Variants in DOCK4 observed in about 807,000 individuals in gnomAD.
The protein encoded by DOCK4 is dedicator of cytokinesis 4, also known as dedicator of cytokinesis protein 4.
DOCK4 carries 97 observed loss-of-function variants against 268.1 expected under a neutral mutation model. That is an observed-to-expected ratio of 0.36 (90% CI 0.31 to 0.43). The LOEUF is 0.43. Ranked by LOEUF, DOCK4 falls within the 20% of genes least tolerant of loss-of-function variation. DOCK4 has a pLI of 1.00. For missense variants in DOCK4, 2,145 were observed against 2,455.7 expected (o/e 0.87, Z 2.67); for synonymous variants, 954 against 887.2 (o/e 1.08, Z -1.34).
At chr7:112,013,081 C>A (rs913804397) in intron 1 of DOCK4, among the ~76,000 whole-genome samples, 2 of 152,184 alleles carry the variant, frequency 1.3e-5, no homozygotes, top group Admixed American at 1.3e-4. Context: ...ATTTTTGCAG[C>A]CTCTTCTATA....
chr7:112,187,360 G>A (rs114949398), intron 1 of DOCK4, among the ~76,000 whole-genome samples: 69 of 152,224 alleles, frequency 4.5e-4, no homozygotes, highest in African/African-American at 1.7e-3. Context: ...TCCATCAATT[G>A]TCTACATGCG....
intron 8 of DOCK4, among the ~76,000 whole-genome samples, chr7:111,956,988 C>T (rs1562934964): frequency 6.6e-6 from 1 of 152,122 alleles, no homozygotes; most frequent in Non-Finnish European, 1.5e-5. Context: ...TGATCTAAAG[C>T]ATCATTAAAT....
At position 111,867,956 on chromosome 7, in the gene DOCK4, C is replaced by T. The variant is rs745822517; in HGVS notation, c.2280+28G>A. ...AATAAACTGCACTTATCGTTTTCTT[C>T]TATTCAGCATAGATGAAAAGAAATT... On this transcript the variant is annotated intron_variant, in intron 22 of 52. Coordinates refer to ENST00000428084, the MANE Select transcript of DOCK4 (RefSeq NM_001363540.2). The T allele has an allele frequency of 1.3e-5, 19 of 1,511,342 alleles. No homozygotes were observed. In the Admixed American group the frequency reaches 3.7e-4, roughly 30 times the overall value. The allele number at this position is 1,511,342 out of a possible 1,614,324, so 93.6% of individuals were successfully genotyped here. A position where few individuals can be genotyped will look rare whatever the true frequency, so the allele number is the denominator to read the frequency against.
At chr7:112,139,695 C>T (rs1814708074) in intron 1 of DOCK4, among the ~76,000 whole-genome samples, 1 of 152,076 alleles carries the variant, frequency 6.6e-6, no homozygotes, top group African/African-American at 2.4e-5. Flanking sequence ...AAAACATATA[C>T]ATATAGTCAA....
intron 23 of DOCK4, among the ~76,000 whole-genome samples, chr7:111,852,013 G>C (rs1309922866): frequency 6.9e-6 from 1 of 145,868 alleles, no homozygotes; most frequent in African/African-American, 2.6e-5. Flanking sequence ...ATCCAGGCTG[G>C]AGTGCAATGG....
intron 21 of DOCK4, among the ~76,000 whole-genome samples, 196 bp from the exon 22 acceptor site, chr7:111,868,350 A>G (rs187236910): frequency 1.2e-4 from 19 of 152,230 alleles, no homozygotes; most frequent in Admixed American, 1.1e-3. Flanking sequence ...CTAATGAGAG[A>G]AAAAAAATTT....
At chr7:111,869,385 ACTACCCTGGCAAAGTCCC>A in intron 21 of DOCK4, 171 bp downstream of exon 21, 1 of 561,614 alleles carries the variant, frequency 1.8e-6, no homozygotes, top group South Asian at 1.8e-5. Context: ...TTTCCAGTAG[ACTACCCTGGCAAAGTCCC>A]CTTCAAATTT....
intron 8 of DOCK4, among the ~76,000 whole-genome samples, chr7:111,954,600 G>A (rs1453366490): frequency 6.6e-6 from 1 of 152,192 alleles, no homozygotes; most frequent in African/African-American, 2.4e-5. Flanking sequence ...AGCAGAAGCA[G>A]GAAGAGAGGT....
intron 25 of DOCK4, among the ~76,000 whole-genome samples, chr7:111,844,155 A>AT (rs2134077416): frequency 6.6e-6 from 1 of 152,234 alleles, no homozygotes; most frequent in African/African-American, 2.4e-5. Context: ...GGCATCTGTA[A>AT]TCCCAGCTAC....
intron 30 of DOCK4, among the ~76,000 whole-genome samples, chr7:111,805,006 A>G (rs1243886959): frequency 6.6e-6 from 1 of 152,192 alleles, no homozygotes; most frequent in East Asian, 1.9e-4. Flanking sequence ...TGCACTGGAG[A>G]CAGGTAGCAT....
intron 1 of DOCK4, among the ~76,000 whole-genome samples, chr7:112,076,173 T>C (rs1335481622): frequency 2.0e-5 from 3 of 152,138 alleles, no homozygotes; most frequent in Admixed American, 2.0e-4. Context: ...TTTGCAGTAA[T>C]TTGAAGGTAA....
chr7:111,893,689 T>C (rs539814310), intron 16 of DOCK4, among the ~76,000 whole-genome samples: 121 of 152,318 alleles, frequency 7.9e-4, no homozygotes, highest in Non-Finnish European at 1.5e-3. Context: ...TGCTTTAAAA[T>C]ATTTTTGTTT....
intron 1 of DOCK4, among the ~76,000 whole-genome samples, chr7:112,037,422 G>T (rs560157059): frequency 1.0e-3 from 159 of 152,220 alleles, no homozygotes; most frequent in African/African-American, 3.7e-3. Flanking sequence ...CATCATCCCA[G>T]AAACTTCCTT....
Position 112,004,174 on chromosome 7 carries a change from T to C in DOCK4, c.38-43A>G, listed in dbSNP as rs182867342. 91 of 1,419,644 alleles carry C rather than the reference T, an allele frequency of 6.4e-5. No individual in the cohort carries two copies. The African/African-American group carries it at 1.1e-3, about 18-fold the overall frequency. The allele number at this position is 1,419,644 out of a possible 1,614,324, so 87.9% of individuals were successfully genotyped here. ...GAATATATGAAGACAATCATGTCCA[T>C]TACAGCTTATTATTACATGTTATTG... On this transcript the variant is annotated intron_variant, in intron 1 of 52. Transcript: ENST00000428084.
At chr7:111,906,895 G>A (rs1324763621) in intron 13 of DOCK4, among the ~76,000 whole-genome samples, 5 of 152,182 alleles carry the variant, frequency 3.3e-5, no homozygotes, top group Admixed American at 6.5e-5. Flanking sequence ...CTTGATTTTA[G>A]TTCAGTGAGA....
intron 8 of DOCK4, among the ~76,000 whole-genome samples, chr7:111,947,679 C>A (rs1250906749): frequency 6.6e-6 from 1 of 152,176 alleles, no homozygotes; most frequent in Non-Finnish European, 1.5e-5. Context: ...AAGCTCTCTT[C>A]ACAGTAAAAG....
intron 1 of DOCK4, among the ~76,000 whole-genome samples, chr7:112,107,402 C>G (rs180974228): frequency 1.3e-3 from 194 of 152,300 alleles, no homozygotes; most frequent in Non-Finnish European, 2.2e-3. Context: ...GGGAGGAAGG[C>G]ACACAGAGCA....
At chr7:111,961,057 C>T (rs1796845847) in intron 8 of DOCK4, among the ~76,000 whole-genome samples, 1 of 152,068 alleles carries the variant, frequency 6.6e-6, no homozygotes, top group Admixed American at 6.5e-5. Context: ...GGTTGGATTG[C>T]TGGATCCCTA....
chr7:111,733,080 G>A (rs1795215158), intron 51 of DOCK4, among the ~76,000 whole-genome samples: 1 of 152,220 alleles, frequency 6.6e-6, no homozygotes, highest in Non-Finnish European at 1.5e-5. Context: ...CAGGGTGAGA[G>A]TCAGCCACAT....
Sources: allele counts gnomAD v4.1 joint callset (sites outside exome capture counted in the v4.1 genomes callset), GRCh38; gene constraint gnomAD v4.1.1; transcripts MANE v1.5; gene names NCBI Gene and HGNC (gene_info 2026-07-23, HGNC 2026-07-21).